Variants in PRKCQ observed in about 807,000 individuals in gnomAD.
PRKCQ encodes protein kinase C theta type.
A neutral mutation model predicts 91.2 loss-of-function variants in PRKCQ; 41 were observed. That is an observed-to-expected ratio of 0.45 (90% CI 0.35 to 0.58). The LOEUF is 0.58. PRKCQ is among the 20% of genes least tolerant of loss of function. The probability of loss-of-function intolerance (pLI) is 0.00; values close to 1 mark genes in which losing one functional copy is unlikely to be tolerated. For missense variants in PRKCQ, 673 were observed against 896.5 expected (o/e 0.75, Z 3.18); for synonymous variants, 307 against 316.9 (o/e 0.97, Z 0.33).
At chr10:6,415,017 C>A in the PRKCQ span, among the ~76,000 whole-genome samples, 1 of 151,810 alleles carries the variant, frequency 6.6e-6, no homozygotes, top group Non-Finnish European at 1.5e-5. Context: ...GGCTGGAGTG[C>A]GGTGGTGCAA....
intron 1 of PRKCQ, among the ~76,000 whole-genome samples, chr10:6,551,873 T>G (rs1014362046): frequency 2.6e-5 from 4 of 152,238 alleles, no homozygotes; most frequent in African/African-American, 9.6e-5. Context: ...AGCTCTGTTT[T>G]TAGCTCTTTG....
rs1373156363 is a variant in PRKCQ, at chr10:6,430,482, G to C, written c.1965+328C>G. On this transcript the variant is annotated intron_variant, in intron 17 of 17. Coordinates refer to ENST00000263125, the MANE Select transcript of PRKCQ (RefSeq NM_006257.5). The surrounding 1 kb of genome is among the most constrained non-coding windows in gnomAD (Gnocchi z 4.7). ...TTACCCAGACTGGACCATTAAGTAC[G>C]TATGTGTCATGTGCACAACCCCCAT... Among the ~76,000 whole-genome samples, 2 of 152,200 alleles carry C rather than the reference G, an allele frequency of 1.3e-5. No individual in the cohort carries two copies. Among genetic ancestry groups the C allele is most frequent in the Non-Finnish European group, 2.9e-5 (2 of 68,038 alleles).
chr10:6,514,281 C>CA (rs546324527), intron 2 of PRKCQ, among the ~76,000 whole-genome samples: 38 of 152,304 alleles, frequency 2.5e-4, no homozygotes, highest in Admixed American at 1.0e-3. Context: ...CTCCCTCCTA[C>CA]TTTTCCTTTG....
At chr10:6,563,935 C>T (rs771856801) in intron 1 of PRKCQ, among the ~76,000 whole-genome samples, 2 of 152,202 alleles carry the variant, frequency 1.3e-5, no homozygotes, top group Non-Finnish European at 2.9e-5. Flanking sequence ...CACCTTGACA[C>T]AGCCCGTGGG....
At chr10:6,566,401 G>T (rs907808708) in intron 1 of PRKCQ, among the ~76,000 whole-genome samples, 3 of 152,098 alleles carry the variant, frequency 2.0e-5, no homozygotes, top group African/African-American at 7.2e-5. Context: ...GTGAAATCCT[G>T]GTCTGGATGC....
rs571737992 is a variant in PRKCQ, at chr10:6,431,419, GACAT to G, written c.1837-485_1837-482del. 1.4e-3 allele frequency among the ~76,000 whole-genome samples: 219 copies of G among 152,214 alleles called. 1 individual carries two copies. Among genetic ancestry groups the G allele is most frequent in the South Asian group, 8.9e-3 (43 of 4,818 alleles). ...ATGCACATAAATGTGAGCACGTGCA[GACAT>G]ACATACACATGAACACATGCATACA... On this transcript the variant is annotated intron_variant, in intron 16 of 17. Coordinates refer to ENST00000263125, the MANE Select transcript of PRKCQ (RefSeq NM_006257.5).
At chr10:6,423,365 G>A (rs999960548), downstream of PRKCQ, among the ~76,000 whole-genome samples, 8 of 152,170 alleles carry the variant, frequency 5.3e-5, no homozygotes, top group African/African-American at 1.7e-4. Flanking sequence ...TATTTAGGAC[G>A]CAGGGAGAAA....
At chr10:6,579,032 A>G (rs1183233793) in intron 1 of PRKCQ, among the ~76,000 whole-genome samples, 1 of 152,228 alleles carries the variant, frequency 6.6e-6, no homozygotes, top group African/African-American at 2.4e-5. Context: ...TGGACCCTCC[A>G]GGCTTCTTGC....
chr10:6,578,964 A>G (rs1479768661), intron 1 of PRKCQ, among the ~76,000 whole-genome samples: 5 of 152,222 alleles, frequency 3.3e-5, no homozygotes, highest in African/African-American at 1.2e-4. Context: ...TCGGGCAAGA[A>G]GGGCCCAGTG....
intron 15 of PRKCQ, among the ~76,000 whole-genome samples, chr10:6,447,535 G>T (rs1373234431): frequency 2.0e-5 from 3 of 152,158 alleles, no homozygotes; most frequent in African/African-American, 4.8e-5. Context: ...AGGGGGAACA[G>T]TGGGGCTTTT....
the PRKCQ span, among the ~76,000 whole-genome samples, chr10:6,405,836 A>G: frequency 6.6e-6 from 1 of 152,200 alleles, no homozygotes; most frequent in Non-Finnish European, 1.5e-5. Flanking sequence ...TGGTGCACCC[A>G]TGTGCCCATG....
rs542321050 is a variant in PRKCQ at position 6,555,403 on chromosome 10, G to A, written c.-10+24808C>T. Among the ~76,000 whole-genome samples the A allele has an allele frequency of 8.5e-5, 13 of 152,206 alleles. No individual in the cohort carries two copies. In the South Asian group the frequency reaches 2.3e-3, roughly 27 times the overall value. On this transcript the variant is annotated intron_variant, in intron 1 of 17. Coordinates refer to ENST00000263125, the MANE Select transcript of PRKCQ (RefSeq NM_006257.5). ...AACCACTTATCTTCCTAAATGATGC[G>A]TACACAAACTACTGTGGGAACTTCT...
At position 6,493,861 on chromosome 10, in the gene PRKCQ, T is replaced by A. The variant is rs151127690; in HGVS notation, c.661-2049A>T. Among the ~76,000 whole-genome samples, 520 of 152,338 alleles carry A rather than the reference T, an allele frequency of 3.4e-3. 2 individuals carry two copies. The highest frequency in any genetic ancestry group is 5.3e-3 in the Non-Finnish European group (361 of 68,026). On this transcript the variant is annotated intron_variant, in intron 7 of 17. Coordinates refer to ENST00000263125, the MANE Select transcript of PRKCQ (RefSeq NM_006257.5). ...CGGTTAGCACAAGTTTATCTCCTTC[T>A]GCTTCTAAATGTTAGGAGAAATTCT...
chr10:6,564,603 C>G (rs1168039038), intron 1 of PRKCQ, among the ~76,000 whole-genome samples: 1 of 152,150 alleles, frequency 6.6e-6, no homozygotes, highest in Non-Finnish European at 1.5e-5. Context: ...AAGGGAGTGA[C>G]CTCATCTCAG....
At chr10:6,414,142 G>T in the PRKCQ span, among the ~76,000 whole-genome samples, 1 of 152,192 alleles carries the variant, frequency 6.6e-6, no homozygotes, top group Non-Finnish European at 1.5e-5. Context: ...AGTCATGTAG[G>T]TAGAACAGAG....
At chr10:6,563,045 C>A (rs1337216547) in intron 1 of PRKCQ, among the ~76,000 whole-genome samples, 2 of 152,078 alleles carry the variant, frequency 1.3e-5, no homozygotes, top group Non-Finnish European at 2.9e-5. Context: ...CCTTGGTTGG[C>A]TCTCAGCTGC....
the PRKCQ span, among the ~76,000 whole-genome samples, chr10:6,403,312 C>T: frequency 1.3e-5 from 2 of 152,140 alleles, no homozygotes; most frequent in South Asian, 2.1e-4. Flanking sequence ...GTGTCTTAGT[C>T]GGAGTAGGGC....
chr10:6,547,842 A>G (rs1840022620), intron 1 of PRKCQ, among the ~76,000 whole-genome samples: 1 of 150,878 alleles, frequency 6.6e-6, no homozygotes, highest in Non-Finnish European at 1.5e-5. Flanking sequence ...CATGTCTAAA[A>G]CACCAAAAGC....
intron 1 of PRKCQ, among the ~76,000 whole-genome samples, chr10:6,541,540 G>A (rs1425881028): frequency 6.6e-6 from 1 of 152,130 alleles, no homozygotes; most frequent in African/African-American, 2.4e-5. Flanking sequence ...TCTAATAGGA[G>A]TGTTATGAGC....
Sources: gnomAD v4.1 joint callset for allele counts (sites outside exome capture counted in the v4.1 genomes callset) on GRCh38, gnomAD v4.1.1 for gene constraint, Gnocchi (gnomAD v3.1) non-coding constraint, MANE v1.5 for transcripts, NCBI Gene and HGNC (gene_info 2026-07-23, HGNC 2026-07-21) for gene names.